The following METTL15 variants were observed in gnomAD, a reference collection of about 807,000 sequenced individuals.
METTL15 encodes the protein 12S rRNA N(4)-cytidine methyltransferase METTL15.
A neutral mutation model predicts 38.3 loss-of-function variants in METTL15; 34 were observed. The ratio of observed to expected loss-of-function variants is 0.89; its 90% CI spans 0.68 to 1.18. METTL15 has a LOEUF of 1.18. Among genes scored for constraint, METTL15 ranks in the 50% most tolerant of loss-of-function variants. The pLI, the probability that METTL15 is intolerant of heterozygous loss-of-function variation, is 0.00. For missense variants in METTL15, 438 were observed against 498.4 expected (o/e 0.88, Z 1.15); for synonymous variants, 162 against 170.9 (o/e 0.95, Z 0.41).
downstream of METTL15, among the ~76,000 whole-genome samples, chr11:28,531,608 G>A (rs1012518782): frequency 3.9e-5 from 6 of 151,936 alleles, no homozygotes; most frequent in South Asian, 2.1e-4. Flanking sequence ...CTACCTCACC[G>A]TAAAGTTGAG....
chr11:28,221,864 A>T (rs1029680892), intron 4 of METTL15, among the ~76,000 whole-genome samples: 3 of 152,166 alleles, frequency 2.0e-5, no homozygotes, highest in African/African-American at 7.2e-5. Flanking sequence ...GCTGTAGAAC[A>T]GCAAATATTG....
downstream of METTL15, among the ~76,000 whole-genome samples, chr11:28,530,331 C>T (rs767705602): frequency 6.6e-6 from 1 of 152,096 alleles, no homozygotes; most frequent in East Asian, 1.9e-4. Flanking sequence ...CATGTTTTCC[C>T]ATTTATTCAG....
At chr11:28,145,226 A>G (rs556184921) in intron 3 of METTL15, 2 of 152,668 alleles carry the variant, frequency 1.3e-5, no homozygotes, top group East Asian at 1.9e-4. Flanking sequence ...TGAAAAATCC[A>G]TGGCCCCAAA....
At chr11:28,247,744 T>C (rs1398538057) in intron 4 of METTL15, among the ~76,000 whole-genome samples, 1 of 152,110 alleles carries the variant, frequency 6.6e-6, no homozygotes, top group Non-Finnish European at 1.5e-5. Context: ...CTTTTAGTGG[T>C]ACAGTAGATG....
intron 6 of METTL15, among the ~76,000 whole-genome samples, chr11:28,482,762 C>A (rs79818225): frequency 0.012 from 1,769 of 152,254 alleles, 23 homozygotes; most frequent in African/African-American, 0.029. Flanking sequence ...GGCCTACCTA[C>A]GGAGTCAGCA....
chr11:28,234,939 G>T (rs1274442116), intron 4 of METTL15, among the ~76,000 whole-genome samples: 1 of 150,186 alleles, frequency 6.7e-6, no homozygotes, highest in African/African-American at 2.5e-5. Flanking sequence ...ATGGTTTTAG[G>T]TCTAACGTTT....
At chr11:28,498,145 T>A (rs761621739) in intron 6 of METTL15, among the ~76,000 whole-genome samples, 1 of 152,016 alleles carries the variant, frequency 6.6e-6, no homozygotes, top group East Asian at 1.9e-4. Context: ...CATCTCTTAA[T>A]ACCACCACAT....
intron 5 of METTL15, among the ~76,000 whole-genome samples, chr11:28,362,499 T>A (rs1248892376): frequency 6.6e-6 from 1 of 152,120 alleles, no homozygotes; most frequent in African/African-American, 2.4e-5. Context: ...TTCTCCCCAA[T>A]CTAGTGGACC....
intron 6 of METTL15, among the ~76,000 whole-genome samples, chr11:28,442,280 G>C (rs1288005251): frequency 6.6e-6 from 1 of 152,184 alleles, no homozygotes; most frequent in East Asian, 1.9e-4. Context: ...AGGAAGGAAG[G>C]AGGCTTTAAT....
At chr11:28,217,650 T>C (rs1852957776) in intron 4 of METTL15, among the ~76,000 whole-genome samples, 1 of 152,214 alleles carries the variant, frequency 6.6e-6, no homozygotes, top group Non-Finnish European at 1.5e-5. Context: ...ATGTCCTGAA[T>C]GGTATTGCCT....
At chr11:28,129,816 G>T (rs1221972388) in intron 3 of METTL15, among the ~76,000 whole-genome samples, 3 of 152,042 alleles carry the variant, frequency 2.0e-5, no homozygotes, top group Non-Finnish European at 4.4e-5. Context: ...GGGGATCTGG[G>T]GATTGCTAAA....
intron 6 of METTL15, among the ~76,000 whole-genome samples, chr11:28,493,062 A>G (rs1396467505): frequency 6.6e-6 from 1 of 152,142 alleles, no homozygotes; most frequent in Non-Finnish European, 1.5e-5. Flanking sequence ...TTGTTTGAAA[A>G]TCATTCTTGT....
intron 5 of METTL15, among the ~76,000 whole-genome samples, chr11:28,366,329 A>G (rs1001733339): frequency 1.3e-5 from 2 of 152,176 alleles, no homozygotes; most frequent in Non-Finnish European, 2.9e-5. Context: ...AGACCAGAAT[A>G]TGGTGAGGCA....
intron 6 of METTL15, among the ~76,000 whole-genome samples, chr11:28,442,487 C>T (rs1229483561): frequency 6.6e-6 from 1 of 151,998 alleles, no homozygotes; most frequent in Non-Finnish European, 1.5e-5. Context: ...AATATTATTG[C>T]CATTTTGGAG....
intron 6 of METTL15, among the ~76,000 whole-genome samples, chr11:28,514,672 G>T (rs1463832645): frequency 1.3e-5 from 2 of 152,300 alleles, no homozygotes; most frequent in African/African-American, 4.8e-5. Context: ...CTTGTTCCCT[G>T]TTGAAGTGTT....
chr11:28,205,195 T>C (rs188793669), intron 3 of METTL15, among the ~76,000 whole-genome samples: 1 of 152,080 alleles, frequency 6.6e-6, no homozygotes, highest in East Asian at 1.9e-4. Context: ...CATGCTGGTG[T>C]GCTGCACGCA....
At position 28,333,229 on chromosome 11, in the gene METTL15, G is replaced by A. The variant is rs1379936262; in HGVS notation, c.*2388G>A. 1 of 151,810 alleles carries A rather than the reference G, an allele frequency of 6.6e-6. No homozygotes were observed. Among genetic ancestry groups the A allele is most frequent in the African/African-American group, 2.4e-5 (1 of 41,274 alleles). The allele number at this position is 151,810 out of a possible 1,614,324, so 9.4% of individuals were successfully genotyped here. A position where few individuals can be genotyped will look rare whatever the true frequency, so the allele number is the denominator to read the frequency against. ...TAATACTCTGACAGAAAAAAATCTT[G>A]GATAATATGCATGAGAAAAATCCTT... On this transcript the variant is annotated 3_prime_UTR_variant, in exon 7 of 7. Transcript: ENST00000407364.
chr11:28,226,091 T>C (rs1853465611), intron 4 of METTL15, among the ~76,000 whole-genome samples: 1 of 151,998 alleles, frequency 6.6e-6, no homozygotes. Context: ...ATCCTTTTTA[T>C]TTCTTCTTCT....
chr11:28,217,058 A>G (rs1327347406), intron 4 of METTL15, among the ~76,000 whole-genome samples: 1 of 152,028 alleles, frequency 6.6e-6, no homozygotes, highest in African/African-American at 2.4e-5. Flanking sequence ...ATGATTTATA[A>G]TCCTTAGGGT....
Sources: allele counts gnomAD v4.1 joint callset (sites outside exome capture counted in the v4.1 genomes callset), GRCh38; gene constraint gnomAD v4.1.1; transcripts MANE v1.5; gene names NCBI Gene and HGNC (gene_info 2026-07-23, HGNC 2026-07-21).